The following TMTC2 variants were observed in gnomAD, a reference collection of about 807,000 sequenced individuals.
TMTC2 encodes transmembrane O-mannosyltransferase targeting cadherins 2.
In TMTC2, 43 loss-of-function variants were observed where a neutral mutation model predicts 82.4. The observed-to-expected ratio is 0.52, with a 90% CI of 0.41 to 0.67. The LOEUF (loss-of-function observed/expected upper bound fraction) is 0.67. TMTC2 is among the 30% of genes least tolerant of loss of function. TMTC2 has a pLI of 0.00. For synonymous variants in TMTC2, 408 were observed against 381.9 expected (o/e 1.07, Z -0.80); for missense variants, 919 against 1,012.4 (o/e 0.91, Z 1.25).
chr12:82,941,821 A>G (rs906324316), intron 4 of TMTC2, among the ~76,000 whole-genome samples: 2 of 152,108 alleles, frequency 1.3e-5, no homozygotes, highest in Non-Finnish European at 2.9e-5. Flanking sequence ...GTGCAGTGTC[A>G]CGATCTTGGC....
At chr12:82,927,177 G>A (rs1326629468) in intron 3 of TMTC2, among the ~76,000 whole-genome samples, 4 of 152,164 alleles carry the variant, frequency 2.6e-5, no homozygotes, top group Admixed American at 6.5e-5. Context: ...TGCCATTCTA[G>A]ATGCCATTCA....
chr12:83,026,296 G>T (rs1225341258), intron 8 of TMTC2, among the ~76,000 whole-genome samples: 1 of 152,088 alleles, frequency 6.6e-6, no homozygotes, highest in East Asian at 1.9e-4. Flanking sequence ...TATGGCTCAA[G>T]AAATTACAAG....
At chr12:82,845,784 TC>T (rs1293625082) in intron 1 of TMTC2, among the ~76,000 whole-genome samples, 16 of 152,138 alleles carry the variant, frequency 1.1e-4, no homozygotes, top group Admixed American at 3.9e-4. Flanking sequence ...GTGGTATTTC[TC>T]ATATTTTCAT....
At chr12:82,742,555 T>C (rs1875468930) in intron 1 of TMTC2, among the ~76,000 whole-genome samples, 1 of 151,898 alleles carries the variant, frequency 6.6e-6, no homozygotes, top group Admixed American at 6.6e-5. Context: ...GTTTCACTCT[T>C]GTCGCCCAGG....
At chr12:82,718,728 C>T (rs966710700) in intron 1 of TMTC2, among the ~76,000 whole-genome samples, 2 of 151,964 alleles carry the variant, frequency 1.3e-5, no homozygotes, top group African/African-American at 4.8e-5. Flanking sequence ...ATACCCATGC[C>T]CTATTATTTC....
intron 3 of TMTC2, among the ~76,000 whole-genome samples, chr12:82,905,194 C>A (rs978398737): frequency 6.6e-6 from 1 of 152,124 alleles, no homozygotes; most frequent in East Asian, 1.9e-4. Flanking sequence ...CAACTTCTTG[C>A]AAACTTCCTT....
intron 8 of TMTC2, among the ~76,000 whole-genome samples, chr12:83,022,261 G>T (rs1880965827): frequency 6.6e-6 from 1 of 151,906 alleles, no homozygotes; most frequent in Non-Finnish European, 1.5e-5. Context: ...TAGGCCCAAA[G>T]ACTCCAAACA....
At chr12:82,759,108 A>C (rs1463471998) in intron 1 of TMTC2, 1 of 152,218 alleles carries the variant, frequency 6.6e-6, no homozygotes, top group Non-Finnish European at 1.5e-5. Context: ...ATTTTCAATT[A>C]TATAGTGCTG....
chr12:83,061,395 A>T (rs1882734711), intron 10 of TMTC2, among the ~76,000 whole-genome samples: 1 of 151,800 alleles, frequency 6.6e-6, no homozygotes, highest in South Asian at 2.1e-4. Context: ...GAAAGCAATA[A>T]TTACTAATTT....
intron 8 of TMTC2, among the ~76,000 whole-genome samples, chr12:82,990,420 G>T (rs1879350771): frequency 1.3e-5 from 2 of 152,044 alleles, no homozygotes; most frequent in Admixed American, 6.6e-5. Context: ...CGGATTTAAG[G>T]TTTCCCAGAA....
At chr12:82,746,735 A>G (rs983529116) in intron 1 of TMTC2, among the ~76,000 whole-genome samples, 8 of 152,204 alleles carry the variant, frequency 5.3e-5, no homozygotes, top group African/African-American at 1.7e-4. Context: ...CAAACCATTC[A>G]GAGAGTTTTC....
chr12:82,947,450 C>G (rs1269053399), intron 4 of TMTC2, among the ~76,000 whole-genome samples: 2 of 151,166 alleles, frequency 1.3e-5, no homozygotes, highest in Non-Finnish European at 2.9e-5. Context: ...TCACGCCATT[C>G]TCCTGCCTCA....
At chr12:82,834,990 G>A (rs991377106) in intron 1 of TMTC2, among the ~76,000 whole-genome samples, 1 of 151,618 alleles carries the variant, frequency 6.6e-6, no homozygotes, top group Non-Finnish European at 1.5e-5. Flanking sequence ...CAATTTTCCT[G>A]CTTCAGCCTC....
Position 83,095,342 on chromosome 12 carries a change from G to A in TMTC2, c.2331+33511G>A, listed in dbSNP as rs370576408. Among the ~76,000 whole-genome samples, 266 of 151,462 alleles carry A rather than the reference G, an allele frequency of 1.8e-3. 2 individuals are homozygous for A. The South Asian group carries it at 0.024, about 14-fold the overall frequency. On this transcript the variant is annotated intron_variant, in intron 11 of 11. Transcript: ENST00000321196. ...TGCAAGCTCTGCCTCCCGGGTTCAC[G>A]CCATTCTCCTGCCTCAGCCTCCCAA... is the stretch of plus-strand genomic sequence containing the variant.
At chr12:82,846,914 T>A (rs1344839619) in intron 1 of TMTC2, among the ~76,000 whole-genome samples, 1 of 152,106 alleles carries the variant, frequency 6.6e-6, no homozygotes, top group Non-Finnish European at 1.5e-5. Flanking sequence ...GTGTTACCAG[T>A]GTAATGATAA....
intron 11 of TMTC2, among the ~76,000 whole-genome samples, chr12:83,093,270 A>G (rs1745342932): frequency 6.6e-6 from 1 of 152,218 alleles, no homozygotes; most frequent in African/African-American, 2.4e-5. Context: ...CCAAGTCTAT[A>G]AAGTAGTATT....
intron 2 of TMTC2, among the ~76,000 whole-genome samples, chr12:82,863,659 G>A (rs997240352): frequency 1.3e-5 from 2 of 152,106 alleles, no homozygotes; most frequent in Admixed American, 1.3e-4. Flanking sequence ...TTTAAATTTG[G>A]GAGTCTGACT....
chr12:82,930,438 T>A lies in TMTC2; in HGVS notation c.1491T>A (p.Gly497=). The A allele has an allele frequency of 6.3e-7, 1 of 1,583,442 alleles. No individual in the cohort carries two copies. The highest frequency in any genetic ancestry group is 8.6e-7 in the Non-Finnish European group (1 of 1,159,376). ...TCTTTTTCTTCTTGGCAGCATGGGG[T>A]AACCTTGGAAATGTTCTGAAGAGTC... ...GIKVNPAKAW[G]NLGNVLKSQS... The change falls in exon 4 of 12, where the codon GGT becomes GGA. Residue 497 remains glycine (G), a synonymous_variant. Transcript: ENST00000321196.
In TMTC2 at chr12:82,988,182, A is replaced by T. The variant is rs553114282; in HGVS notation, c.2070+2136A>T. Among the ~76,000 whole-genome samples, 11 of 152,334 alleles carry T rather than the reference A, an allele frequency of 7.2e-5. No homozygotes were observed. In the South Asian group the frequency reaches 2.1e-3, roughly 29 times the overall value. ...CTATACAGGAACAATAGGAATGGGAAGAGAGATTTCAGTGGATAAGAGATA... is the reference window on the plus strand; with the variant it reads ...CTATACAGGAACAATAGGAATGGGATGAGAGATTTCAGTGGATAAGAGATA... On this transcript the variant is annotated intron_variant, in intron 8 of 11. Transcript: ENST00000321196.
Sources: gnomAD v4.1 joint callset for allele counts (sites outside exome capture counted in the v4.1 genomes callset) on GRCh38, gnomAD v4.1.1 for gene constraint, MANE v1.5 for transcripts, NCBI Gene and HGNC (gene_info 2026-07-23, HGNC 2026-07-21) for gene names.